The following KAZN variants were observed in gnomAD, a reference collection of about 807,000 sequenced individuals.
The protein encoded by KAZN is kazrin.
Under a neutral mutation model 87.4 loss-of-function variants are expected in KAZN, and 40 were observed. The observed-to-expected ratio is 0.46, with a 90% CI of 0.36 to 0.60. The LOEUF (loss-of-function observed/expected upper bound fraction) is 0.60, where lower values mean the gene tolerates loss of function less well. Ranked by LOEUF, KAZN falls within the 20% of genes least tolerant of loss-of-function variation. KAZN has a pLI of 0.00. For missense variants in KAZN, 898 were observed against 1,073.9 expected, an observed-to-expected ratio of 0.84 and a Z score of 2.29; for synonymous variants, 466 against 458.3, an observed-to-expected ratio of 1.02 and a Z score of -0.22.
At chr1:14,356,746 C>T (rs887946537) in intron 2 of KAZN, among the ~76,000 whole-genome samples, 25 of 152,076 alleles carry the variant, frequency 1.6e-4, no homozygotes, top group African/African-American at 5.8e-4. Flanking sequence ...GGATGTGTGG[C>T]GTTATTTCTG....
chr1:14,953,966 G>A (rs1361232732), intron 1 of KAZN, among the ~76,000 whole-genome samples: 2 of 152,236 alleles, frequency 1.3e-5, no homozygotes, highest in African/African-American at 4.8e-5. Context: ...TAGAAAGTGG[G>A]ACTCATTGCT....
At chr1:15,098,671 G>A (rs552847807) in intron 10 of KAZN, among the ~76,000 whole-genome samples, 2 of 152,350 alleles carry the variant, frequency 1.3e-5, no homozygotes, top group African/African-American at 4.8e-5. Flanking sequence ...GGCTGAGGCC[G>A]GCCCTTGAGG....
chr1:14,540,234 C>T (rs952361249), intron 2 of KAZN, among the ~76,000 whole-genome samples: 20 of 152,140 alleles, frequency 1.3e-4, no homozygotes, highest in Admixed American at 9.2e-4. Context: ...TGAGACCATA[C>T]GGTGACACTG....
chr1:14,052,066 C>T (rs372296952), intron 1 of KAZN, among the ~76,000 whole-genome samples: 7 of 152,162 alleles, frequency 4.6e-5, no homozygotes, highest in African/African-American at 1.4e-4. Context: ...TACCTGTCCT[C>T]TTCCCTGCTG....
At chr1:14,227,732 A>G (rs1647417940) in intron 2 of KAZN, among the ~76,000 whole-genome samples, 1 of 152,176 alleles carries the variant, frequency 6.6e-6, no homozygotes, top group Non-Finnish European at 1.5e-5. Context: ...GTTTGAAACC[A>G]CCACAGTGAC....
chr1:14,528,748 C>CAAAA (rs36033087), intron 2 of KAZN, among the ~76,000 whole-genome samples: 20 of 66,918 alleles, frequency 3.0e-4, no homozygotes, highest in Admixed American at 5.3e-4. Context: ...GACCCTGTCT[C>CAAAA]AAAAAAAAAA....
intron 2 of KAZN, among the ~76,000 whole-genome samples, chr1:14,994,140 C>T (rs535514041): frequency 6.6e-6 from 1 of 152,324 alleles, no homozygotes; most frequent in African/African-American, 2.4e-5. Context: ...GAGCCCCTGG[C>T]AGCAGGGCCT....
intron 1 of KAZN, among the ~76,000 whole-genome samples, chr1:14,714,458 A>G (rs1026581719): frequency 1.3e-5 from 2 of 152,034 alleles, no homozygotes. Flanking sequence ...CTCCTGGTCT[A>G]CCCTGGAACC....
rs150443623 is a variant in KAZN at position 14,839,525 on chromosome 1, C to T, written c.227-121159C>T. On this transcript the variant is annotated intron_variant, in intron 1 of 14. Coordinates refer to ENST00000376030, the MANE Select transcript of KAZN (RefSeq NM_201628.3). ...CATGAGCTATTGGTATGATTGTTAT[C>T]GTTACCAGAAAAACCCCTATTCATC... Among the ~76,000 whole-genome samples the T allele has an allele frequency of 2.6e-3, 400 of 152,220 alleles. 10 individuals carry two copies. In the East Asian group the frequency reaches 0.068, roughly 26 times the overall value.
At chr1:14,677,160 G>A (rs1418296504) in intron 1 of KAZN, among the ~76,000 whole-genome samples, 1 of 152,122 alleles carries the variant, frequency 6.6e-6, no homozygotes, top group African/African-American at 2.4e-5. Flanking sequence ...GAAGACCGAG[G>A]ATTAGAGAAG....
chr1:14,465,086 G>A (rs1299740305), intron 2 of KAZN, among the ~76,000 whole-genome samples: 1 of 152,038 alleles, frequency 6.6e-6, no homozygotes, highest in Non-Finnish European at 1.5e-5. Context: ...TGGCAAATGA[G>A]CTGGCACGGA....
At chr1:14,180,420 T>C in intron 1 of KAZN, 1 of 1,544,236 alleles carries the variant, frequency 6.5e-7, no homozygotes. Context: ...CTTTTCCTTC[T>C]TTTTCTTTCC....
intron 2 of KAZN, among the ~76,000 whole-genome samples, chr1:14,989,682 T>C (rs1667164584): frequency 6.6e-6 from 1 of 152,098 alleles, no homozygotes; most frequent in South Asian, 2.1e-4. Flanking sequence ...GTGGGGGTAG[T>C]AGTAGAACCT....
intron 1 of KAZN, among the ~76,000 whole-genome samples, chr1:14,810,299 C>T (rs547541686): frequency 1.3e-5 from 2 of 152,130 alleles, no homozygotes; most frequent in African/African-American, 2.4e-5. Context: ...TCTCCAACCC[C>T]GTACCTTGCT....
intron 1 of KAZN, among the ~76,000 whole-genome samples, chr1:14,874,615 C>T (rs987819856): frequency 6.6e-6 from 1 of 152,210 alleles, no homozygotes; most frequent in Non-Finnish European, 1.5e-5. Context: ...AATTAAGCAA[C>T]TGTTGCCTGA....
At chr1:14,257,959 TAAAAAAAAAAAAAGAGAAA>T (rs1326662783) in intron 2 of KAZN, among the ~76,000 whole-genome samples, 2 of 28,742 alleles carry the variant, frequency 7.0e-5, no homozygotes, top group Admixed American at 4.0e-4. Context: ...AAAAAAACAT[TAAAAAAAAAAAAAGAGAAA>T]AAAAAAAAAG....
In KAZN at chr1:14,458,510, G is replaced by A. The variant is rs546914968; in HGVS notation, c.250-140473G>A. On this transcript the variant is annotated intron_variant, in intron 2 of 16. Coordinates refer to the KAZN transcript ENST00000636203. ...AGCAATGGTAATGGTGGTTATTCTCGTCTTGTTCTTGTCTTAGAGATAGAA... is the reference window on the plus strand; with the variant it reads ...AGCAATGGTAATGGTGGTTATTCTCATCTTGTTCTTGTCTTAGAGATAGAA... Among the ~76,000 whole-genome samples, 22 of 152,070 alleles carry A rather than the reference G, an allele frequency of 1.4e-4. No homozygotes were observed. In the South Asian group the frequency reaches 1.5e-3, roughly 10 times the overall value.
At chr1:15,092,163 G>A (rs1428768926) in intron 8 of KAZN, among the ~76,000 whole-genome samples, 8 of 135,890 alleles carry the variant, frequency 5.9e-5, no homozygotes, top group South Asian at 2.5e-4. Context: ...CTCAACCTCC[G>A]CCTCCTGGGT....
intron 4 of KAZN, among the ~76,000 whole-genome samples, chr1:15,047,043 A>T (rs1040318124): frequency 6.6e-6 from 1 of 152,222 alleles, no homozygotes; most frequent in Non-Finnish European, 1.5e-5. Flanking sequence ...GCTCTGGCCA[A>T]GAAAACTCAG....
Sources: allele counts gnomAD v4.1 joint callset (sites outside exome capture counted in the v4.1 genomes callset), GRCh38; gene constraint gnomAD v4.1.1; transcripts MANE v1.5; gene names NCBI Gene and HGNC (gene_info 2026-07-23, HGNC 2026-07-21).